The following LRRC8C variants were observed in gnomAD, a reference collection of about 807,000 sequenced individuals.
The protein encoded by LRRC8C is leucine rich repeat containing 8 VRAC subunit C.
In LRRC8C, 20 loss-of-function variants were observed where a neutral mutation model predicts 55.3. The observed-to-expected ratio is 0.36, with a 90% CI of 0.25 to 0.53. The LOEUF (loss-of-function observed/expected upper bound fraction) is 0.53, where lower values mean the gene tolerates loss of function less well. Among genes scored for constraint, LRRC8C ranks in the 20% least tolerant of loss-of-function variants. LRRC8C has a pLI of 0.92. For synonymous variants in LRRC8C, 376 were observed against 360.7 expected, an observed-to-expected ratio of 1.04 and a Z score of -0.48; for missense variants, 659 against 951.4, an observed-to-expected ratio of 0.69 and a Z score of 4.04.
chr1:89,662,570 T>A (rs1657149132), intron 1 of LRRC8C, among the ~76,000 whole-genome samples: 1 of 152,168 alleles, frequency 6.6e-6, no homozygotes. Context: ...TGATGGTGGC[T>A]TGGATCGGGG....
upstream of LRRC8C, among the ~76,000 whole-genome samples, chr1:89,629,397 T>C (rs1254458109): frequency 6.6e-6 from 1 of 152,208 alleles, no homozygotes; most frequent in Non-Finnish European, 1.5e-5. Context: ...AGATTTTACT[T>C]GCACTCTTAC....
At chr1:89,628,398 T>G (rs1254095423), upstream of LRRC8C, among the ~76,000 whole-genome samples, 1 of 152,174 alleles carries the variant, frequency 6.6e-6, no homozygotes, top group Non-Finnish European at 1.5e-5. Context: ...TTATTATTAT[T>G]TTTATTTTTG....
At chr1:89,686,788 TA>T (rs1198544172) in intron 2 of LRRC8C, among the ~76,000 whole-genome samples, 177 bp downstream of exon 2, 1 of 152,202 alleles carries the variant, frequency 6.6e-6, no homozygotes, top group Admixed American at 6.5e-5. Context: ...GATTTCCTAA[TA>T]CGGTAAATAT....
At chr1:89,631,641 T>A (rs1656110882), upstream of LRRC8C, 1 of 152,182 alleles carries the variant, frequency 6.6e-6, no homozygotes, top group Admixed American at 6.5e-5. Context: ...CCTTTGCCTT[T>A]TTCCCAGAGA....
At chr1:89,660,072 G>A (rs1329776646) in intron 1 of LRRC8C, among the ~76,000 whole-genome samples, 3 of 152,188 alleles carry the variant, frequency 2.0e-5, no homozygotes, top group African/African-American at 7.2e-5. Flanking sequence ...CAAGCAGCGT[G>A]CTCTTCTTGA....
chr1:89,712,885 T>G lies in LRRC8C; in HGVS notation c.315T>G (p.Leu105=). The change falls in exon 3 of 3, where the codon CTT becomes CTG. Residue 105 remains leucine, a synonymous_variant. Coordinates refer to ENST00000370454, the MANE Select transcript of LRRC8C (RefSeq NM_032270.5). ...AAGGCCTGAAGACAGATTTGGACCT[T>G]CAGCAGTACAGCTTTATAAATCAGA... ...EMKGLKTDLD[L]QQYSFINQMC... The G allele has an allele frequency of 1.2e-6, 2 of 1,614,190 alleles. No homozygotes were observed. The highest frequency in any genetic ancestry group is 1.7e-6 in the Non-Finnish European group (2 of 1,180,028).
intron 1 of LRRC8C, among the ~76,000 whole-genome samples, chr1:89,660,614 T>A (rs1483880069): frequency 2.0e-5 from 3 of 152,228 alleles, no homozygotes; most frequent in African/African-American, 4.8e-5. Context: ...AAGTTATTAA[T>A]TTAATACCAG....
chr1:89,659,061 TTGTGTG>T (rs71084956), intron 1 of LRRC8C, among the ~76,000 whole-genome samples: 3 of 53,972 alleles, frequency 5.6e-5, no homozygotes, highest in African/African-American at 1.9e-4. Flanking sequence ...TTTTTTTTTT[TTGTGTG>T]TGTGTGTGTG....
chr1:89,694,682 G>A (rs992999137), intron 2 of LRRC8C, among the ~76,000 whole-genome samples: 1 of 147,690 alleles, frequency 6.8e-6, no homozygotes, highest in Non-Finnish European at 1.5e-5. Context: ...CCACTTCCCG[G>A]GTTCAAGTGG....
At chr1:89,662,057 G>A (rs994435160) in intron 1 of LRRC8C, among the ~76,000 whole-genome samples, 7 of 152,116 alleles carry the variant, frequency 4.6e-5, no homozygotes, top group Admixed American at 4.6e-4. Context: ...CTCTAACAGG[G>A]GCATCCGATC....
chr1:89,645,953 A>T (rs910193979), intron 1 of LRRC8C, among the ~76,000 whole-genome samples: 43 of 147,786 alleles, frequency 2.9e-4, no homozygotes, highest in African/African-American at 1.1e-3. Context: ...TGGTAGGAAG[A>T]TGATCAGATA....
At chr1:89,710,578 G>T (rs538533766) in intron 2 of LRRC8C, among the ~76,000 whole-genome samples, 31 of 152,294 alleles carry the variant, frequency 2.0e-4, no homozygotes, top group African/African-American at 5.5e-4. Flanking sequence ...TCACATCTCA[G>T]TAGCCACCAA....
chr1:89,618,277 T>C, the LRRC8C span, among the ~76,000 whole-genome samples: 1 of 151,946 alleles, frequency 6.6e-6, no homozygotes, highest in Non-Finnish European at 1.5e-5. Context: ...ATGCAGAGGG[T>C]TTTAAAAGCT....
upstream of LRRC8C, among the ~76,000 whole-genome samples, chr1:89,628,920 G>T (rs1452719072): frequency 6.6e-6 from 1 of 152,206 alleles, no homozygotes; most frequent in Non-Finnish European, 1.5e-5. Context: ...ATAAGAGAGT[G>T]AGAGACAGGA....
intron 1 of LRRC8C, among the ~76,000 whole-genome samples, chr1:89,673,838 G>T (rs989988606): frequency 1.3e-5 from 2 of 150,058 alleles, no homozygotes; most frequent in African/African-American, 5.1e-5. Context: ...AGGTCATCAG[G>T]GGGTATCCTC....
At chr1:89,685,249 G>C (rs1570723715) in intron 1 of LRRC8C, among the ~76,000 whole-genome samples, 1 of 150,190 alleles carries the variant, frequency 6.7e-6, no homozygotes, top group South Asian at 2.1e-4. Flanking sequence ...CTCCCGAGTA[G>C]CTGGGACTAC....
intron 1 of LRRC8C, among the ~76,000 whole-genome samples, chr1:89,640,016 A>C (rs112280016): frequency 0.027 from 4,122 of 152,352 alleles, 190 homozygotes; most frequent in African/African-American, 0.094. Flanking sequence ...GGTAACAGTC[A>C]CTAAATAAAC....
chr1:89,665,342 G>T (rs944898433), intron 1 of LRRC8C, among the ~76,000 whole-genome samples: 2 of 152,052 alleles, frequency 1.3e-5, no homozygotes, highest in Non-Finnish European at 1.5e-5. Context: ...AGCATGAAAG[G>T]GTGTTGAATT....
At chr1:89,628,688 G>T (rs976269663), upstream of LRRC8C, among the ~76,000 whole-genome samples, 1 of 152,208 alleles carries the variant, frequency 6.6e-6, no homozygotes, top group Non-Finnish European at 1.5e-5. Context: ...TTGGCCTTTC[G>T]ATATAACATT....
Sources: gnomAD v4.1 joint callset for allele counts (sites outside exome capture counted in the v4.1 genomes callset) on GRCh38, gnomAD v4.1.1 for gene constraint, MANE v1.5 for transcripts, NCBI Gene and HGNC (gene_info 2026-07-23, HGNC 2026-07-21) for gene names.